Variants in ATG16L1 observed in about 807,000 individuals in gnomAD.
The protein encoded by ATG16L1 is autophagy related 16 like 1.
Under a neutral mutation model 88.5 loss-of-function variants are expected in ATG16L1, and 37 were observed. The observed-to-expected ratio is 0.42, with a 90% CI of 0.32 to 0.55. The LOEUF (loss-of-function observed/expected upper bound fraction) is 0.55, where lower values mean the gene tolerates loss of function less well. ATG16L1 is among the 20% of genes least tolerant of loss of function. The pLI, the probability that ATG16L1 is intolerant of heterozygous loss-of-function variation, is 0.13. For missense variants in ATG16L1, 554 were observed against 752.8 expected, an observed-to-expected ratio of 0.74 and a Z score of 3.09; for synonymous variants, 301 against 281.0, an observed-to-expected ratio of 1.07 and a Z score of -0.71.
At chr2:233,265,746 G>C (rs1383453398) in intron 5 of ATG16L1, among the ~76,000 whole-genome samples, 1 of 152,136 alleles carries the variant, frequency 6.6e-6, no homozygotes, top group Non-Finnish European at 1.5e-5. Context: ...GGGATTAGAG[G>C]TGTGAGCCCC....
intron 1 of ATG16L1, among the ~76,000 whole-genome samples, chr2:233,254,497 C>A (rs1039368634): frequency 6.6e-6 from 1 of 152,178 alleles, no homozygotes; most frequent in African/African-American, 2.4e-5. Context: ...GCCTTTGAGT[C>A]TGAAGAGAAA....
chr2:233,270,837 A>G (rs1697944628), intron 6 of ATG16L1, among the ~76,000 whole-genome samples: 1 of 152,174 alleles, frequency 6.6e-6, no homozygotes, highest in Non-Finnish European at 1.5e-5. Context: ...TCGCTCTAGG[A>G]TGTTTCTTTT....
At chr2:233,284,215 C>G (rs1698923660) in intron 12 of ATG16L1, among the ~76,000 whole-genome samples, 1 of 151,274 alleles carries the variant, frequency 6.6e-6, no homozygotes, top group South Asian at 2.1e-4. Flanking sequence ...ATGACGTGAT[C>G]TCGGCTCACT....
At chr2:233,275,611 T>G (rs1456357668) in intron 9 of ATG16L1, 2 of 448,014 alleles carry the variant, frequency 4.5e-6, no homozygotes, top group Non-Finnish European at 8.9e-6. Flanking sequence ...ATGAACTGCC[T>G]TGACTGTTGT....
At chr2:233,263,486 CAAGAGTGGAGAGGCTTTA>C (rs368174616) in intron 3 of ATG16L1, among the ~76,000 whole-genome samples, 116 of 152,202 alleles carry the variant, frequency 7.6e-4, no homozygotes, top group African/African-American at 2.7e-3. Context: ...GCATGAGAGG[CAAGAGTGGAGAGGCTTTA>C]AAGAACAAAA....
chr2:233,281,663 G>C (rs1198941179), intron 11 of ATG16L1, among the ~76,000 whole-genome samples: 2 of 152,218 alleles, frequency 1.3e-5, no homozygotes, highest in Non-Finnish European at 2.9e-5. Flanking sequence ...TCAAAGGTCA[G>C]AGGCAAAAAG....
chr2:233,273,132 GC>G, intron 7 of ATG16L1, 80 bp downstream of exon 7: 1 of 1,164,312 alleles, frequency 8.6e-7, no homozygotes. Context: ...GACAAAGAAT[GC>G]AGTCAGATGC....
chr2:233,268,247 G>A (rs1359806249), intron 5 of ATG16L1, among the ~76,000 whole-genome samples: 1 of 152,168 alleles, frequency 6.6e-6, no homozygotes, highest in Non-Finnish European at 1.5e-5. Flanking sequence ...CCTGAGGTCA[G>A]GAGTTCAAGA....
Position 233,264,972 on chromosome 2 carries a change from G to T in ATG16L1, c.470G>T (p.Arg157Ile). ...CGCACTAAGCTTTGTGACCTTGAAAGAGCCAACCAGACCCTGAAGGATGAA... is the reference window on the plus strand; with the variant it reads ...CGCACTAAGCTTTGTGACCTTGAAATAGCCAACCAGACCCTGAAGGATGAA... ...DLRTKLCDLE[R>I]ANQTLKDEYD... The change falls in exon 5 of 18, where the codon AGA (arginine) becomes ATA (isoleucine). Residue 157 changes from arginine (R) to isoleucine (I), a missense_variant. By Grantham distance (97) the Arg-to-Ile change is moderately conservative (BLOSUM62 -3). This residue lies in a region of ATG16L1 where 22 missense variants were observed against 54.5 expected (regional missense o/e 0.40). Coordinates refer to ENST00000392017, the MANE Select transcript of ATG16L1 (RefSeq NM_030803.7). 5 of 1,614,130 alleles carry T rather than the reference G, an allele frequency of 3.1e-6. No individual in the cohort carries two copies. The highest frequency in any genetic ancestry group is 4.2e-6 in the Non-Finnish European group (5 of 1,179,996).
chr2:233,274,679 A>G lies in ATG16L1; in HGVS notation c.855A>G (p.Arg285=), dbSNP rs112572627. The G allele has an allele frequency of 6.2e-7, 1 of 1,603,616 alleles. No homozygotes were observed. ...LLDSITNIFG[R]RSVSSFPVPQ... ...TTGTCTTTATGTTATTTCTTAGGAG[A>G]CGCTCTGTCTCTTCCTTCCCAGTCC... Residue 285 remains arginine (R), a synonymous_variant, in exon 9 of 18, where the codon AGA becomes AGG. Transcript: ENST00000392017.
chr2:233,281,073 T>TC (rs748556244), intron 10 of ATG16L1, 32 bp from the exon 11 acceptor site: 1 of 1,455,720 alleles, frequency 6.9e-7, no homozygotes, highest in East Asian at 2.3e-5. Context: ...TTATTTAACT[T>TC]CCCATCATCC....
chr2:233,257,770 G>A (rs1226984232), intron 2 of ATG16L1, among the ~76,000 whole-genome samples: 1 of 152,102 alleles, frequency 6.6e-6, no homozygotes, highest in African/African-American at 2.4e-5. Flanking sequence ...ACTTTGGGAG[G>A]CCAAGGCGGG....
At position 233,289,932 on chromosome 2, in the gene ATG16L1, C is replaced by T; in HGVS notation, c.1282C>T (p.His428Tyr). ...LDNARIVSGS[H>Y]DRTLKLWDLR... is the part of the protein sequence containing the mutation. Reference sequence around the variant, plus strand: ...CAATGCGCGGATTGTCTCAGGAAGTCACGACCGGACTCTCAAACTCTGGGA... The same window carrying T: ...CAATGCGCGGATTGTCTCAGGAAGTTACGACCGGACTCTCAAACTCTGGGA... The change falls in exon 13 of 18, where the codon CAC becomes TAC. Residue 428 changes from histidine (H) to tyrosine (Y), a missense_variant. Coordinates refer to ENST00000392017, the MANE Select transcript of ATG16L1 (RefSeq NM_030803.7). 6.2e-7 allele frequency: 1 copy of T among 1,614,210 alleles called. No homozygotes were observed. The highest frequency in any genetic ancestry group is 8.5e-7 in the Non-Finnish European group (1 of 1,180,040).
At chr2:233,281,964 A>G (rs1698747738) in intron 11 of ATG16L1, among the ~76,000 whole-genome samples, 1 of 152,156 alleles carries the variant, frequency 6.6e-6, no homozygotes, top group Non-Finnish European at 1.5e-5. Context: ...GGCGTTAATC[A>G]TCTTTGTACC....
intron 12 of ATG16L1, among the ~76,000 whole-genome samples, chr2:233,286,882 C>T (rs1218782847): frequency 6.6e-6 from 1 of 151,942 alleles, no homozygotes; most frequent in East Asian, 1.9e-4. Context: ...ACCTCGGCCT[C>T]CCAAAGTGCT....
intron 12 of ATG16L1, 177 bp downstream of exon 12, chr2:233,282,930 A>G (rs956045878): frequency 2.1e-5 from 12 of 574,662 alleles, no homozygotes; most frequent in Non-Finnish European, 3.8e-5. Flanking sequence ...CTCTTTGTCC[A>G]AAACTCAGTT....
chr2:233,288,927 T>C, intron 12 of ATG16L1: 1 of 517,932 alleles, frequency 1.9e-6, no homozygotes, highest in Non-Finnish European at 3.9e-6. Context: ...ATCTGCCTTG[T>C]TCAAGCTGAG....
chr2:233,274,066 C>T, intron 8 of ATG16L1: 1 of 1,544,980 alleles, frequency 6.5e-7, no homozygotes. Flanking sequence ...CTCTCTTAGT[C>T]CAGCATGTGA....
At chr2:233,271,957 A>G (rs936986849) in intron 6 of ATG16L1, among the ~76,000 whole-genome samples, 1 of 152,256 alleles carries the variant, frequency 6.6e-6, no homozygotes. Flanking sequence ...ATAGTCCTGG[A>G]ATAAATAGCT....
Sources: allele counts gnomAD v4.1 joint callset (sites outside exome capture counted in the v4.1 genomes callset), GRCh38; gene constraint gnomAD v4.1.1; regional missense constraint gnomAD v4.1.1; transcripts MANE v1.5; gene names NCBI Gene and HGNC (gene_info 2026-07-23, HGNC 2026-07-21).